The following CMTR2 variants were observed in gnomAD, a reference collection of about 807,000 sequenced individuals.
CMTR2 encodes the protein cap-specific mRNA (nucleoside-2'-O-)-methyltransferase 2.
In CMTR2, 40 loss-of-function variants were observed where a neutral mutation model predicts 49.8. That is an observed-to-expected ratio of 0.80 (90% confidence interval 0.62 to 1.04). CMTR2 has a LOEUF of 1.04. Ranked by LOEUF, CMTR2 falls within the 50% of genes least tolerant of loss-of-function variation. The pLI, the probability that CMTR2 is intolerant of heterozygous loss-of-function variation, is 0.00. For missense variants in CMTR2, 907 were observed against 897.2 expected (o/e 1.01, Z -0.14); for synonymous variants, 326 against 315.8 (o/e 1.03, Z -0.34).
At chr16:71,289,646 A>AGGGGAGGGGAAGGGGGAG (rs1419535480), upstream of CMTR2, 218 of 18,900 alleles carry the variant, frequency 0.012, no homozygotes, top group African/African-American at 0.047. Flanking sequence ...AGGGAGGCGA[A>AGGGGAGGGGAAGGGGGAG]GGGGAGGGGG....
At position 71,283,572 on chromosome 16, in the gene CMTR2, A is replaced by G. The variant is rs1388346031; in HGVS notation, c.*36T>C. 6.4e-7 allele frequency: 1 copy of G among 1,561,346 alleles called. No individual in the cohort carries two copies. The highest frequency in any genetic ancestry group is 2.0e-5 in the Admixed American group (1 of 49,638). ...AGGATGCAAATACTGGGCAAATTATAAGAAATCATAAAGTTGAATCTCAGA... is the reference window on the plus strand; with the variant it reads ...AGGATGCAAATACTGGGCAAATTATGAGAAATCATAAAGTTGAATCTCAGA... On this transcript the variant is annotated 3_prime_UTR_variant, in exon 3 of 3. Coordinates refer to ENST00000434935, the MANE Select transcript of CMTR2 (RefSeq NM_018348.6).
rs1966191172 is a variant in CMTR2, at chr16:71,281,446, A to G, written c.*2162T>C. Reference sequence around the variant, plus strand: ...AAATTAAAAATCTCAAAACCTGTGGAAAAAAGTTTTTAAGAACAGTCTACC... The same window carrying G: ...AAATTAAAAATCTCAAAACCTGTGGGAAAAAGTTTTTAAGAACAGTCTACC... On this transcript the variant is annotated 3_prime_UTR_variant, in exon 3 of 3. Coordinates refer to ENST00000434935, the MANE Select transcript of CMTR2 (RefSeq NM_018348.6). The G allele has an allele frequency of 6.6e-6, 1 of 151,936 alleles. No homozygotes were observed. Among genetic ancestry groups the G allele is most frequent in the Non-Finnish European group, 1.5e-5 (1 of 67,818 alleles). The allele number at this position is 151,936 out of a possible 1,614,324, so 9.4% of individuals were successfully genotyped here. A position where few individuals can be genotyped will look rare whatever the true frequency, so the allele number is the denominator to read the frequency against.
In CMTR2 at chr16:71,285,814, T is replaced by C. The variant is rs1473878275; in HGVS notation, c.107A>G (p.Tyr36Cys). 5.0e-6 allele frequency: 8 copies of C among 1,613,998 alleles called. No individual in the cohort carries two copies. In the East Asian group the frequency reaches 1.3e-4, roughly 27 times the overall value. The change falls in exon 3 of 3, where the codon TAT becomes TGT. Residue 36 changes from tyrosine (Y) to cysteine (C), a missense_variant. Physicochemically the swap from Tyr to Cys is radical, Grantham distance 194 (BLOSUM62 -2). Coordinates refer to ENST00000434935, the MANE Select transcript of CMTR2 (RefSeq NM_018348.6). ...IFELFAKNFS[Y>C]GKPLNNEWQL... ...CCACTCATTATTAAGTGGCTTGCCA[T>C]AAGAAAAGTTCTTGGCAAAGAGTTC...
At position 71,285,765 on chromosome 16, in the gene CMTR2, A is replaced by T. The variant is rs572908241; in HGVS notation, c.156T>A (p.Ile52=). The stretch of plus-strand genomic sequence containing the variant: ...TAAGTTCAGTGTGGTCACAGGTGAA[A>T]ATCTCACTGGGATCTGGTAACTGCC... The part of the protein sequence containing the change: ...NEWQLPDPSE[I]FTCDHTELNA... Residue 52 remains isoleucine (I), a synonymous_variant, in exon 3 of 3, where the codon ATT becomes ATA. Transcript: ENST00000434935. 1.2e-6 allele frequency: 2 copies of T among 1,614,028 alleles called. No homozygotes were observed. Among genetic ancestry groups the T allele is most frequent in the South Asian group, 2.2e-5 (2 of 91,044 alleles).
chr16:71,284,536 C>T lies in CMTR2; in HGVS notation c.1385G>A (p.Gly462Glu). The change falls in exon 3 of 3, where the codon GGA becomes GAA. Residue 462 changes from glycine (G) to glutamate (E), a missense_variant. Coordinates refer to ENST00000434935, the MANE Select transcript of CMTR2 (RefSeq NM_018348.6). Reference sequence around the variant, plus strand: ...TTCTTCAGCCCAACTATTAAAGTATCCTTTGGCTACTTTATCTTTCCATGA... The same window carrying T: ...TTCTTCAGCCCAACTATTAAAGTATTCTTTGGCTACTTTATCTTTCCATGA... ...ALSWKDKVAK[G>E]YFNSWAEEHG... 6.2e-7 allele frequency: 1 copy of T among 1,613,790 alleles called. No individual in the cohort carries two copies. Among genetic ancestry groups the T allele is most frequent in the Non-Finnish European group, 8.5e-7 (1 of 1,179,936 alleles).
Position 71,284,030 on chromosome 16 carries a change from G to C in CMTR2, c.1891C>G (p.Leu631Val). The change falls in exon 3 of 3, where the codon CTA (leucine) becomes GTA (valine). Residue 631 changes from leucine (L) to valine (V), a missense_variant. Leu to Val is a conservative substitution (Grantham distance 32, BLOSUM62 1). Coordinates refer to ENST00000434935, the MANE Select transcript of CMTR2 (RefSeq NM_018348.6). ...GTATGAAGCTCCCGCAATGAATGTAGAAGGCAGTCCAAAAATAAACGCTGG... is the reference window on the plus strand; with the variant it reads ...GTATGAAGCTCCCGCAATGAATGTACAAGGCAGTCCAAAAATAAACGCTGG... ...TYQRLFLDCL[L>V]HSLRELHTGD... 1 of 1,614,048 alleles carries C rather than the reference G, an allele frequency of 6.2e-7. No homozygotes were observed. Among genetic ancestry groups the C allele is most frequent in the Non-Finnish European group, 8.5e-7 (1 of 1,179,932 alleles).
chr16:71,286,028 A>G, intron 2 of CMTR2, 89 bp from the exon 3 acceptor site: 1 of 949,664 alleles, frequency 1.1e-6, no homozygotes. Flanking sequence ...CTCATGACAA[A>G]CTCCATAAAA....
Position 71,285,482 on chromosome 16 carries a change from G to A in CMTR2, c.439C>T (p.Pro147Ser). 6.2e-7 allele frequency: 1 copy of A among 1,614,104 alleles called. No homozygotes were observed. The highest frequency in any genetic ancestry group is 8.5e-7 in the Non-Finnish European group (1 of 1,179,984). The change falls in exon 3 of 3, where the codon CCA becomes TCA. Residue 147 changes from proline (P) to serine (S), a missense_variant. Coordinates refer to ENST00000434935, the MANE Select transcript of CMTR2 (RefSeq NM_018348.6). ...KLNSLHLCEA[P>S]GAFIASLNHY... Reference sequence around the variant, plus strand: ...TTGAGACTAGCTATAAAAGCTCCTGGAGCTTCACAAAGGTGTAGAGAATTC... The same window carrying A: ...TTGAGACTAGCTATAAAAGCTCCTGAAGCTTCACAAAGGTGTAGAGAATTC...
chr16:71,287,706 T>C (rs1228301526), intron 2 of CMTR2: 1 of 152,282 alleles, frequency 6.6e-6, no homozygotes, highest in East Asian at 1.9e-4. Context: ...GGTGCTGGGA[T>C]TACAGGTGTC....
Position 71,285,727 on chromosome 16 carries a change from T to C in CMTR2, c.194A>G (p.Asp65Gly), listed in dbSNP as rs2041712627. Residue 65 changes from aspartate (D) to glycine (G), a missense_variant, in exon 3 of 3, where the codon GAT becomes GGT. Coordinates refer to ENST00000434935, the MANE Select transcript of CMTR2 (RefSeq NM_018348.6). Reference sequence around the variant, plus strand: ...TACTTCATTTAGGGAGTTCTTCAAATCAAGAAATGCATTAAGTTCAGTGTG... The same window carrying C: ...TACTTCATTTAGGGAGTTCTTCAAACCAAGAAATGCATTAAGTTCAGTGTG... ...CDHTELNAFL[D>G]LKNSLNEVKN... is the part of the protein sequence containing the mutation. 1 of 1,613,392 alleles carries C rather than the reference T, an allele frequency of 6.2e-7. No homozygotes were observed. The highest frequency in any genetic ancestry group is 1.1e-5 in the South Asian group (1 of 90,924).
intron 2 of CMTR2, chr16:71,288,476 T>C (rs1254261917): frequency 1.3e-5 from 2 of 152,218 alleles, no homozygotes; most frequent in African/African-American, 2.4e-5. Context: ...TGTTTACACA[T>C]AGACCATTCC....
intron 2 of CMTR2, 95 bp from the exon 3 acceptor site, chr16:71,286,034 T>G: frequency 1.1e-6 from 1 of 903,730 alleles, no homozygotes; most frequent in Admixed American, 3.2e-5. Flanking sequence ...ACAAACTCCA[T>G]AAAATGGGAA....
chr16:71,289,646 A>AGGGGAT (rs2041804162), upstream of CMTR2: 1 of 18,882 alleles, frequency 5.3e-5, no homozygotes, highest in African/African-American at 2.3e-4. Flanking sequence ...AGGGAGGCGA[A>AGGGGAT]GGGGAGGGGG....
chr16:71,286,264 A>T (rs145807968), intron 2 of CMTR2, among the ~76,000 whole-genome samples: 6 of 152,198 alleles, frequency 3.9e-5, no homozygotes, highest in African/African-American at 7.2e-5. Context: ...TAAAAAACAT[A>T]TAACAAAGCA....
At position 71,283,918 on chromosome 16, in the gene CMTR2, A is replaced by G. The variant is rs779872886; in HGVS notation, c.2003T>C (p.Phe668Ser). The change falls in exon 3 of 3, where the codon TTC becomes TCC. Residue 668 changes from phenylalanine to serine, a missense_variant. Transcript: ENST00000434935. ...GGATGTGGGACAAACAAAAGTGATG[A>G]ATCTAAAACAACTGTGGAGTACAAA... is the stretch of plus-strand genomic sequence containing the variant. ...LIFVLHSCFR[F>S]ITFVCPTSSD... 1 of 1,613,998 alleles carries G rather than the reference A, an allele frequency of 6.2e-7. No homozygotes were observed. The highest frequency in any genetic ancestry group is 1.3e-5 in the African/African-American group (1 of 74,948).
Position 71,283,214 on chromosome 16 carries a change from C to T in CMTR2, c.*394G>A, listed in dbSNP as rs1170631125. Reference sequence around the variant, plus strand: ...GAGAGGAAATTAGTTGGAAAATTCACTAACAGCATTAGCCACTAAGAGGAA... The same window carrying T: ...GAGAGGAAATTAGTTGGAAAATTCATTAACAGCATTAGCCACTAAGAGGAA... On this transcript the variant is annotated 3_prime_UTR_variant, in exon 3 of 3. Coordinates refer to ENST00000434935, the MANE Select transcript of CMTR2 (RefSeq NM_018348.6). 1 of 161,656 alleles carries T rather than the reference C, an allele frequency of 6.2e-6. No individual in the cohort carries two copies. Among genetic ancestry groups the T allele is most frequent in the African/African-American group, 2.4e-5 (1 of 41,732 alleles). The allele number at this position is 161,656 out of a possible 1,614,324, so 10.0% of individuals were successfully genotyped here. A position where few individuals can be genotyped will look rare whatever the true frequency, so the allele number is the denominator to read the frequency against.
At chr16:71,286,035 A>G (rs1306924046) in intron 2 of CMTR2, 96 bp from the exon 3 acceptor site, 2 of 896,982 alleles carry the variant, frequency 2.2e-6, no homozygotes, top group Non-Finnish European at 3.3e-6. Context: ...CAAACTCCAT[A>G]AAATGGGAAG....
At position 71,284,197 on chromosome 16, in the gene CMTR2, C is replaced by G; in HGVS notation, c.1724G>C (p.Ser575Thr). 6.2e-7 allele frequency: 1 copy of G among 1,613,996 alleles called. No individual in the cohort carries two copies. Among genetic ancestry groups the G allele is most frequent in the East Asian group, 2.2e-5 (1 of 44,878 alleles). The change falls in exon 3 of 3, where the codon AGC (serine) becomes ACC (threonine). Residue 575 changes from serine (S) to threonine (T), a missense_variant. Coordinates refer to ENST00000434935, the MANE Select transcript of CMTR2 (RefSeq NM_018348.6). ...CLQDEQVVVP[S>T]NQIKCLLVGF... ...CACCAGCAGGCACTTTATTTGATTG[C>G]TGGGTACTACAACCTGCTCATCCTG... is the stretch of plus-strand genomic sequence containing the variant.
At position 71,283,773 on chromosome 16, in the gene CMTR2, G is replaced by A. The variant is rs569680257; in HGVS notation, c.2148C>T (p.Asp716=). ...NELLSTLLNS[D]SPQQVLQFVP... is the part of the protein sequence containing the mutation. ...CAAACTGTAAAACCTGCTGGGGTGA[G>A]TCAGAGTTGAGCAAAGTGCTCAACA... The change falls in exon 3 of 3, where the codon GAC becomes GAT. Residue 716 remains aspartate (D), a synonymous_variant. Transcript: ENST00000434935. 6.2e-7 allele frequency: 1 copy of A among 1,614,002 alleles called. No individual in the cohort carries two copies. Among genetic ancestry groups the A allele is most frequent in the Admixed American group, 1.7e-5 (1 of 60,006 alleles).
Sources: allele counts gnomAD v4.1 joint callset (sites outside exome capture counted in the v4.1 genomes callset), GRCh38; gene constraint gnomAD v4.1.1; transcripts MANE v1.5; gene names NCBI Gene and HGNC (gene_info 2026-07-23, HGNC 2026-07-21).